COLEC12: variants seen among roughly 807,000 people sequenced by gnomAD.
COLEC12 encodes the protein collectin subfamily member 12, also known as collectin-12.
In COLEC12, 33 loss-of-function variants were observed where a neutral mutation model predicts 71.1. The ratio of observed to expected loss-of-function variants is 0.46; its 90% CI spans 0.35 to 0.62. The LOEUF (loss-of-function observed/expected upper bound fraction) is 0.62. Ranked by LOEUF, COLEC12 falls within the 20% of genes least tolerant of loss-of-function variation. The pLI is 0.00. For missense variants in COLEC12, 765 were observed against 916.1 expected (o/e 0.84, Z 2.13); for synonymous variants, 350 against 353.0 (o/e 0.99, Z 0.10).
rs557744675 is a variant in COLEC12 at position 406,175 on chromosome 18, T to A, written c.59-48653A>T. Among the ~76,000 whole-genome samples the A allele has an allele frequency of 4.9e-4, 74 of 152,112 alleles. 1 individual carries two copies. Among genetic ancestry groups the A allele is most frequent in the African/African-American group, 1.8e-3 (73 of 41,498 alleles). On this transcript the variant is annotated intron_variant, in intron 2 of 9. Coordinates refer to ENST00000400256, the MANE Select transcript of COLEC12 (RefSeq NM_130386.3). ...GTCTAAAAAGGGGAGACATGAATAATCCACCCCTTGTTTAGCATATCATCA... is the reference window on the plus strand; with the variant it reads ...GTCTAAAAAGGGGAGACATGAATAAACCACCCCTTGTTTAGCATATCATCA...
chr18:327,366 T>C lies in COLEC12; in HGVS notation c.2063+4302A>G, dbSNP rs1913868896. On this transcript the variant is annotated intron_variant, in intron 8 of 9. Coordinates refer to ENST00000400256, the MANE Select transcript of COLEC12 (RefSeq NM_130386.3). This position sits in a 1 kb window ranked among gnomAD's most constrained non-coding sequence, Gnocchi z 4.0. ...GCCAGTCTTTCTTTTGAAATTGTAT[T>C]GGTGTGTGGATCCAAAGCATCTGGG... Among the ~76,000 whole-genome samples the C allele has an allele frequency of 6.6e-6, 1 of 152,200 alleles. No homozygotes were observed. Among genetic ancestry groups the C allele is most frequent in the South Asian group, 2.1e-4 (1 of 4,836 alleles).
intron 2 of COLEC12, among the ~76,000 whole-genome samples, chr18:476,938 C>A (rs910773612): frequency 5.3e-5 from 8 of 152,282 alleles, no homozygotes; most frequent in Admixed American, 5.2e-4. Flanking sequence ...TTAATTAACC[C>A]TTCAAAGTCT....
At chr18:351,534 G>A (rs1914521924) in intron 3 of COLEC12, among the ~76,000 whole-genome samples, 1 of 151,962 alleles carries the variant, frequency 6.6e-6, no homozygotes, top group African/African-American at 2.4e-5. Flanking sequence ...CACTTTGTAG[G>A]TAGTCAATGA....
chr18:349,841 T>G (rs1914469613), intron 3 of COLEC12, among the ~76,000 whole-genome samples: 1 of 152,192 alleles, frequency 6.6e-6, no homozygotes, highest in South Asian at 2.1e-4. Flanking sequence ...AACCCCTCTG[T>G]TTTGGCCAAT....
Position 347,492 on chromosome 18 carries a change from C to T in COLEC12, c.281-151G>A, listed in dbSNP as rs1914411795. 9 of 619,820 alleles carry T rather than the reference C, an allele frequency of 1.5e-5. No homozygotes were observed. In the South Asian group the frequency reaches 2.0e-4, roughly 14 times the overall value. 38.4% of individuals were successfully genotyped at this position (619,820 alleles called of 1,614,324 possible). A position where few individuals can be genotyped will look rare whatever the true frequency, so the allele number is the denominator to read the frequency against. On this transcript the variant is annotated intron_variant, in intron 4 of 9. Coordinates refer to ENST00000400256, the MANE Select transcript of COLEC12 (RefSeq NM_130386.3). ...GACAGCTCTGCATTAGTAAAATGTA[C>T]ATATCTATTAAAACTGGGTCCTGGG...
chr18:333,262 G>A (rs1411419292), intron 6 of COLEC12, 119 bp from the exon 7 acceptor site: 9 of 797,414 alleles, frequency 1.1e-5, no homozygotes, highest in Non-Finnish European at 1.6e-5. Context: ...GAGCGTCCCT[G>A]CACGAGGCCC....
chr18:476,209 A>C (rs1354074875), intron 2 of COLEC12, among the ~76,000 whole-genome samples: 1 of 152,170 alleles, frequency 6.6e-6, no homozygotes, highest in East Asian at 1.9e-4. Flanking sequence ...TCTCCCACTT[A>C]GTTTTTACCA....
chr18:445,445 C>T (rs1916628291), intron 2 of COLEC12, among the ~76,000 whole-genome samples: 1 of 152,100 alleles, frequency 6.6e-6, no homozygotes, highest in Admixed American at 6.5e-5. Flanking sequence ...TTTTTAAACA[C>T]AACAGTTTAT....
At chr18:373,221 A>G (rs756354390) in intron 2 of COLEC12, among the ~76,000 whole-genome samples, 5 of 152,188 alleles carry the variant, frequency 3.3e-5, no homozygotes, top group Non-Finnish European at 4.4e-5. Context: ...TATTTTGTCT[A>G]CTTATCCAAT....
intron 2 of COLEC12, chr18:424,122 C>T (rs578231141): frequency 1.3e-5 from 2 of 152,268 alleles, no homozygotes; most frequent in East Asian, 1.9e-4. Flanking sequence ...GGAATGAAAG[C>T]CCTGTTATAA....
At chr18:457,793 G>GCCT (rs1189432233) in intron 2 of COLEC12, among the ~76,000 whole-genome samples, 2 of 152,154 alleles carry the variant, frequency 1.3e-5, no homozygotes, top group Non-Finnish European at 2.9e-5. Context: ...ATGAAAACAA[G>GCCT]CCTCCTTCAT....
chr18:478,117 G>A (rs1168072698), intron 2 of COLEC12, among the ~76,000 whole-genome samples: 2 of 152,152 alleles, frequency 1.3e-5, no homozygotes, highest in African/African-American at 4.8e-5. Flanking sequence ...TAGGGTTCCA[G>A]AGCTGCAGGG....
chr18:421,557 A>T (rs1430488057), intron 2 of COLEC12, among the ~76,000 whole-genome samples: 1 of 152,200 alleles, frequency 6.6e-6, no homozygotes, highest in Non-Finnish European at 1.5e-5. Context: ...AAAGAATTAC[A>T]TGTCTGCCTT....
At chr18:443,268 T>G (rs1196019119) in intron 2 of COLEC12, among the ~76,000 whole-genome samples, 1 of 152,248 alleles carries the variant, frequency 6.6e-6, no homozygotes, top group South Asian at 2.1e-4. Flanking sequence ...TTAGCTGACT[T>G]TTGGTATTTT....
rs1260579958 is a variant in COLEC12 at position 480,886 on chromosome 18, C to T, written c.8-129G>A. The T allele has an allele frequency of 6.0e-6, 5 of 839,216 alleles. No homozygotes were observed. Among genetic ancestry groups the T allele is most frequent in the Non-Finnish European group, 1.0e-5 (5 of 485,768 alleles). The allele number at this position is 839,216 out of a possible 1,614,324, so 52.0% of individuals were successfully genotyped here. Reference sequence around the variant, plus strand: ...CTTTCCTTCTGCTCGTGGATCGCACCAGGCTTTCTGGAAGAGGCGGCAGGG... The same window carrying T: ...CTTTCCTTCTGCTCGTGGATCGCACTAGGCTTTCTGGAAGAGGCGGCAGGG... On this transcript the variant is annotated intron_variant, in intron 1 of 9. Transcript: ENST00000400256. The surrounding 1 kb of genome is among the most constrained non-coding windows in gnomAD (Gnocchi z 4.1).
intron 2 of COLEC12, among the ~76,000 whole-genome samples, chr18:387,111 A>G (rs1915362134): frequency 6.6e-6 from 1 of 152,190 alleles, no homozygotes; most frequent in South Asian, 2.1e-4. Flanking sequence ...TGGCAACACC[A>G]CTGAGCTCGC....
chr18:325,499 G>A (rs1311421685), intron 8 of COLEC12, among the ~76,000 whole-genome samples: 1 of 152,052 alleles, frequency 6.6e-6, no homozygotes, highest in Non-Finnish European at 1.5e-5. Flanking sequence ...CTGAGCAGGT[G>A]GGCAAGTACC....
chr18:474,168 G>C (rs1031543704), intron 2 of COLEC12, among the ~76,000 whole-genome samples: 1 of 152,316 alleles, frequency 6.6e-6, no homozygotes, highest in African/African-American at 2.4e-5. Context: ...GTCACAAGTA[G>C]AGCAGAAAGA....
rs1305481701 is a variant in COLEC12 at position 439,106 on chromosome 18, G to A, written c.58+41601C>T. On this transcript the variant is annotated intron_variant, in intron 2 of 9. Transcript: ENST00000400256. ...AGAAGATGAGGCAAGATCTTCCCAG[G>A]TAGATGAGGCAAGTTTCCTTGCTCT... Among the ~76,000 whole-genome samples the A allele has an allele frequency of 5.3e-5, 8 of 152,150 alleles. No individual in the cohort carries two copies. In the East Asian group the frequency reaches 1.5e-3, roughly 29 times the overall value.
Sources: gnomAD v4.1 joint callset for allele counts (sites outside exome capture counted in the v4.1 genomes callset) on GRCh38, gnomAD v4.1.1 for gene constraint, Gnocchi (gnomAD v3.1) non-coding constraint, MANE v1.5 for transcripts, NCBI Gene and HGNC (gene_info 2026-07-23, HGNC 2026-07-21) for gene names.